Variants in RTN4RL1 observed in about 807,000 individuals in gnomAD.
RTN4RL1 encodes reticulon 4 receptor like 1, also known as reticulon-4 receptor-like 1.
In RTN4RL1, 7 loss-of-function variants were observed where a neutral mutation model predicts 25.6. The ratio of observed to expected loss-of-function variants is 0.27; its 90% CI spans 0.16 to 0.51. The LOEUF (loss-of-function observed/expected upper bound fraction) is 0.51. Ranked by LOEUF, RTN4RL1 falls within the 20% of genes least tolerant of loss-of-function variation. RTN4RL1 has a pLI of 0.97. For missense variants in RTN4RL1, 500 were observed against 615.6 expected (o/e 0.81, Z 1.99); for synonymous variants, 297 against 288.2 (o/e 1.03, Z -0.31).
At chr17:1,957,669 C>T (rs1178863962) in intron 1 of RTN4RL1, among the ~76,000 whole-genome samples, 1 of 151,210 alleles carries the variant, frequency 6.6e-6, no homozygotes, top group South Asian at 2.1e-4. Flanking sequence ...GGTGAAACCC[C>T]GCCTCTACTA....
At chr17:1,951,745 G>A (rs565622635) in intron 1 of RTN4RL1, among the ~76,000 whole-genome samples, 3 of 152,218 alleles carry the variant, frequency 2.0e-5, no homozygotes, top group South Asian at 4.2e-4. Context: ...GAGCCACCGC[G>A]CCCGGCCCGA....
At chr17:2,011,348 A>C (rs2067047089) in intron 1 of RTN4RL1, among the ~76,000 whole-genome samples, 1 of 152,248 alleles carries the variant, frequency 6.6e-6, no homozygotes, top group East Asian at 1.9e-4. Context: ...GTGACCGCTC[A>C]TCCATGGATA....
At chr17:1,958,131 T>A (rs11653138) in intron 1 of RTN4RL1, among the ~76,000 whole-genome samples, 72,771 of 150,716 alleles carry the variant, frequency 0.48, 18,534 homozygotes, top group Middle Eastern at 0.6. Flanking sequence ...CAAAGGTTGC[T>A]ATGGGTTGTG....
At chr17:1,967,530 G>A (rs2066797340) in intron 1 of RTN4RL1, among the ~76,000 whole-genome samples, 1 of 151,986 alleles carries the variant, frequency 6.6e-6, no homozygotes, top group Non-Finnish European at 1.5e-5. Context: ...TCCAAAGGCC[G>A]CCTCCTCCCT....
intron 1 of RTN4RL1, among the ~76,000 whole-genome samples, chr17:1,988,151 G>T (rs1363839237): frequency 6.6e-6 from 1 of 151,956 alleles, no homozygotes; most frequent in Non-Finnish European, 1.5e-5. Context: ...GGGCATGGTG[G>T]CTCACGCCTG....
chr17:1,983,620 C>T (rs113410808), intron 1 of RTN4RL1, among the ~76,000 whole-genome samples: 3,467 of 152,018 alleles, frequency 0.023, 57 homozygotes, highest in Middle Eastern at 0.041. Flanking sequence ...CCAGGATGGT[C>T]TCAAACTCCT....
chr17:2,021,863 T>C (rs2067210745), intron 1 of RTN4RL1, among the ~76,000 whole-genome samples: 1 of 147,996 alleles, frequency 6.8e-6, no homozygotes, highest in East Asian at 2.0e-4. Context: ...TCTTTTTTTT[T>C]TTTTTTTTTT....
intron 1 of RTN4RL1, among the ~76,000 whole-genome samples, chr17:1,997,598 C>T (rs1030592974): frequency 1.1e-4 from 17 of 152,224 alleles, no homozygotes; most frequent in Non-Finnish European, 1.3e-4. Context: ...ATGTCACCGT[C>T]CCCTCTAGGT....
At chr17:1,960,595 TA>T (rs1192511128) in intron 1 of RTN4RL1, among the ~76,000 whole-genome samples, 8 of 152,218 alleles carry the variant, frequency 5.3e-5, no homozygotes, top group Non-Finnish European at 1.2e-4. Context: ...GTTAACATTT[TA>T]AAGCGTACAA....
At chr17:2,022,143 C>T (rs2067215832) in intron 1 of RTN4RL1, among the ~76,000 whole-genome samples, 1 of 151,814 alleles carries the variant, frequency 6.6e-6, no homozygotes, top group Admixed American at 6.6e-5. Context: ...GGCAAAACCC[C>T]ATCTCTACTA....
chr17:1,963,309 C>A (rs1370924310), intron 1 of RTN4RL1, among the ~76,000 whole-genome samples: 2 of 152,228 alleles, frequency 1.3e-5, no homozygotes, highest in Non-Finnish European at 2.9e-5. Flanking sequence ...CCTGGCTGAC[C>A]CAGCCCCGTG....
chr17:1,993,303 G>A (rs1028568941), intron 1 of RTN4RL1, among the ~76,000 whole-genome samples: 1 of 152,180 alleles, frequency 6.6e-6, no homozygotes, highest in Non-Finnish European at 1.5e-5. Context: ...GGTGGGGAAT[G>A]TCAGAACTGA....
rs567372551 is a variant in RTN4RL1, at chr17:1,981,715, A to G, written c.13+43138T>C. Reference sequence around the variant, plus strand: ...CTGGGAGCTGTGTGCCTCAGCCTGGACTGCTGTTCTCCCAGGAAGCTCTAG... The same window carrying G: ...CTGGGAGCTGTGTGCCTCAGCCTGGGCTGCTGTTCTCCCAGGAAGCTCTAG... On this transcript the variant is annotated intron_variant, in intron 1 of 1. Transcript: ENST00000331238. 4.6e-5 allele frequency among the ~76,000 whole-genome samples: 7 copies of G among 152,270 alleles called. No homozygotes were observed. The South Asian group carries it at 1.5e-3, about 32-fold the overall frequency.
At chr17:1,983,924 C>G (rs1245864934) in intron 1 of RTN4RL1, among the ~76,000 whole-genome samples, 1 of 152,194 alleles carries the variant, frequency 6.6e-6, no homozygotes, top group African/African-American at 2.4e-5. Flanking sequence ...GGATCGGAAC[C>G]CTGCTCCCTC....
At chr17:1,953,564 T>TA (rs36013307) in intron 1 of RTN4RL1, among the ~76,000 whole-genome samples, 1 of 150,956 alleles carries the variant, frequency 6.6e-6, no homozygotes, top group Non-Finnish European at 1.5e-5. Context: ...AAAATTGAAT[T>TA]AAAAAAAAAA....
At chr17:1,995,798 G>A (rs1295866894) in intron 1 of RTN4RL1, 4 of 152,222 alleles carry the variant, frequency 2.6e-5, no homozygotes, top group Non-Finnish European at 4.4e-5. Context: ...CCTATGTGCC[G>A]AGCAACCCAT....
chr17:2,024,958 C>G lies in RTN4RL1; in HGVS notation c.-93G>C. The G allele has an allele frequency of 7.4e-7, 1 of 1,358,474 alleles. No individual in the cohort carries two copies. Among genetic ancestry groups the G allele is most frequent in the South Asian group, 1.3e-5 (1 of 77,732 alleles). 84.2% of individuals were successfully genotyped at this position (1,358,474 alleles called of 1,614,324 possible). A position where few individuals can be genotyped will look rare whatever the true frequency, so the allele number is the denominator to read the frequency against. ...CCCTGGGCGCCAGCTGCAGCTAATC[C>G]GAGCGCGTCGAGGCGGGGGCAAGCC... is the stretch of plus-strand genomic sequence containing the variant. On this transcript the variant is annotated 5_prime_UTR_variant, in exon 1 of 2. Coordinates refer to ENST00000331238, the MANE Select transcript of RTN4RL1 (RefSeq NM_178568.4).
intron 1 of RTN4RL1, among the ~76,000 whole-genome samples, chr17:2,001,253 GT>G (rs890665607): frequency 9.5e-5 from 14 of 147,846 alleles, no homozygotes; most frequent in African/African-American, 3.5e-4. Context: ...GATCCTCTGG[GT>G]TTTTTTTTGA....
At chr17:1,947,597 T>A (rs1391242662) in intron 1 of RTN4RL1, among the ~76,000 whole-genome samples, 1 of 150,052 alleles carries the variant, frequency 6.7e-6, no homozygotes, top group Non-Finnish European at 1.5e-5. Context: ...TGGAATAGCC[T>A]TTCAGCTTTC....
Sources: gnomAD v4.1 joint callset for allele counts (sites outside exome capture counted in the v4.1 genomes callset) on GRCh38, gnomAD v4.1.1 for gene constraint, MANE v1.5 for transcripts, NCBI Gene and HGNC (gene_info 2026-07-23, HGNC 2026-07-21) for gene names.